The following GUCY1A2 variants were observed in gnomAD, a reference collection of about 807,000 sequenced individuals.
GUCY1A2 encodes guanylate cyclase soluble subunit alpha-2.
GUCY1A2 carries 27 observed loss-of-function variants against 63.5 expected under a neutral mutation model. The observed-to-expected ratio is 0.43, with a 90% CI of 0.31 to 0.59. The LOEUF (loss-of-function observed/expected upper bound fraction) is 0.59, where lower values mean the gene tolerates loss of function less well. GUCY1A2 is among the 20% of genes least tolerant of loss of function. The pLI is 0.11. For synonymous variants in GUCY1A2, 364 were observed against 343.5 expected (o/e 1.06, Z -0.66); for missense variants, 768 against 913.3 (o/e 0.84, Z 2.05).
intron 4 of GUCY1A2, among the ~76,000 whole-genome samples, chr11:106,922,083 T>C (rs1212898350): frequency 6.6e-6 from 1 of 152,162 alleles, no homozygotes; most frequent in Non-Finnish European, 1.5e-5. Context: ...GCTTTTTGCC[T>C]AGGTTGCTTT....
intron 5 of GUCY1A2, among the ~76,000 whole-genome samples, chr11:106,791,348 G>A (rs1164348287): frequency 1.3e-5 from 2 of 152,214 alleles, no homozygotes; most frequent in Non-Finnish European, 2.9e-5. Flanking sequence ...ACTACAGGGG[G>A]AATTGGGAAG....
chr11:106,905,575 G>A (rs111381897), intron 4 of GUCY1A2, among the ~76,000 whole-genome samples: 23 of 152,178 alleles, frequency 1.5e-4, no homozygotes, highest in African/African-American at 5.5e-4. Context: ...ATCACTTAGA[G>A]AATTGGGATC....
At chr11:106,702,324 T>C (rs1334715997) in intron 7 of GUCY1A2, among the ~76,000 whole-genome samples, 1 of 152,186 alleles carries the variant, frequency 6.6e-6, no homozygotes, top group African/African-American at 2.4e-5. Flanking sequence ...AATTATGCAC[T>C]GTATCAAACT....
At chr11:106,981,772 T>C (rs543405489) in intron 2 of GUCY1A2, among the ~76,000 whole-genome samples, 1 of 151,758 alleles carries the variant, frequency 6.6e-6, no homozygotes, top group African/African-American at 2.4e-5. Flanking sequence ...AAAGATGTTC[T>C]CTGTGAGAAG....
chr11:106,993,096 A>G (rs1468767454), intron 1 of GUCY1A2, among the ~76,000 whole-genome samples: 1 of 152,230 alleles, frequency 6.6e-6, no homozygotes, highest in Non-Finnish European at 1.5e-5. Context: ...TGATGGTGTG[A>G]ATGAGCTTCT....
intron 5 of GUCY1A2, among the ~76,000 whole-genome samples, chr11:106,778,592 C>T (rs1010465650): frequency 6.6e-6 from 1 of 151,858 alleles, no homozygotes; most frequent in Admixed American, 6.6e-5. Context: ...ACCTGGGAGG[C>T]GGAGCTTGCA....
intron 7 of GUCY1A2, among the ~76,000 whole-genome samples, chr11:106,707,706 GAC>G (rs1391706183): frequency 6.6e-6 from 1 of 151,958 alleles, no homozygotes; most frequent in Non-Finnish European, 1.5e-5. Flanking sequence ...GACTGTGAGA[GAC>G]ACAGTCGCTG....
intron 1 of GUCY1A2, among the ~76,000 whole-genome samples, chr11:107,014,122 C>T (rs1292262266): frequency 8.5e-6 from 1 of 117,496 alleles, no homozygotes; most frequent in Non-Finnish European, 1.6e-5. Flanking sequence ...CGGAGTCTCG[C>T]TCTGTCGCCA....
intron 4 of GUCY1A2, among the ~76,000 whole-genome samples, chr11:106,910,333 C>T (rs1342547600): frequency 2.6e-5 from 4 of 151,868 alleles, no homozygotes; most frequent in Non-Finnish European, 5.9e-5. Context: ...TTATAACATC[C>T]CCTTGGCTAT....
At chr11:106,997,666 C>A (rs893463635) in intron 1 of GUCY1A2, among the ~76,000 whole-genome samples, 1 of 125,418 alleles carries the variant, frequency 8.0e-6, no homozygotes, top group Non-Finnish European at 1.6e-5. Context: ...TAGACCTCTT[C>A]GTGGCTATGC....
intron 4 of GUCY1A2, among the ~76,000 whole-genome samples, chr11:106,902,388 G>C (rs1860146207): frequency 6.6e-6 from 1 of 152,134 alleles, no homozygotes; most frequent in South Asian, 2.1e-4. Context: ...ACGAAAATTG[G>C]TTTCAACTTA....
At position 106,948,951 on chromosome 11, in the gene GUCY1A2, G is replaced by A. The variant is rs531248796; in HGVS notation, c.488-8773C>T. ...AAATATTTTAGAAGATCTAGGGGAC[G>A]GTATGTATGCCTTAACCAAAACAAG... On this transcript the variant is annotated intron_variant, in intron 3 of 7. Coordinates refer to ENST00000526355, the MANE Select transcript of GUCY1A2 (RefSeq NM_000855.3). Among the ~76,000 whole-genome samples, 438 of 151,976 alleles carry A rather than the reference G, an allele frequency of 2.9e-3. 2 individuals carry two copies. The highest frequency in any genetic ancestry group is 5.1e-3 in the African/African-American group (210 of 41,434).
intron 6 of GUCY1A2, among the ~76,000 whole-genome samples, chr11:106,724,151 C>T (rs1863364416): frequency 6.6e-6 from 1 of 152,124 alleles, no homozygotes; most frequent in Admixed American, 6.6e-5. Flanking sequence ...TGGCCTGAGC[C>T]CTTTCAGAGA....
chr11:106,772,012 A>C (rs1019203722), intron 6 of GUCY1A2, among the ~76,000 whole-genome samples: 2 of 152,208 alleles, frequency 1.3e-5, no homozygotes, highest in Admixed American at 1.3e-4. Context: ...GTTTCATTAG[A>C]GTACTTATTG....
intron 3 of GUCY1A2, among the ~76,000 whole-genome samples, chr11:106,945,178 AAAG>A (rs1417491630): frequency 6.6e-6 from 1 of 151,938 alleles, no homozygotes; most frequent in African/African-American, 2.4e-5. Flanking sequence ...AGAGAGAGAT[AAAG>A]AAGATCTTTT....
chr11:106,748,579 C>T (rs1282063842), intron 6 of GUCY1A2, among the ~76,000 whole-genome samples: 2 of 152,174 alleles, frequency 1.3e-5, no homozygotes, highest in African/African-American at 4.8e-5. Context: ...GAAACACTGA[C>T]AGATGAAATC....
At chr11:106,906,594 T>C (rs904441137) in intron 4 of GUCY1A2, among the ~76,000 whole-genome samples, 4 of 152,020 alleles carry the variant, frequency 2.6e-5, no homozygotes, top group African/African-American at 9.7e-5. Context: ...GGGTATACAC[T>C]CAAAGGATTA....
intron 3 of GUCY1A2, among the ~76,000 whole-genome samples, chr11:106,957,769 A>G (rs1591343443): frequency 6.7e-6 from 1 of 150,120 alleles, no homozygotes; most frequent in Non-Finnish European, 1.5e-5. Context: ...TTTTTTTTAA[A>G]TCACTAAATT....
chr11:107,017,706 C>A (rs1374649391), intron 1 of GUCY1A2, 47 bp downstream of exon 1: 3 of 1,174,010 alleles, frequency 2.6e-6, no homozygotes, highest in Non-Finnish European at 3.4e-6. Context: ...TTTACAGATC[C>A]GCGTTCTCTC....
Sources: gnomAD v4.1 joint callset for allele counts (sites outside exome capture counted in the v4.1 genomes callset) on GRCh38, gnomAD v4.1.1 for gene constraint, MANE v1.5 for transcripts, NCBI Gene and HGNC (gene_info 2026-07-23, HGNC 2026-07-21) for gene names.